LRFN5: variants seen among roughly 807,000 people sequenced by gnomAD.
LRFN5 encodes leucine rich repeat and fibronectin type III domain containing 5, also known as leucine-rich repeat and fibronectin type-III domain-containing protein 5.
LRFN5 carries 24 observed loss-of-function variants against 45.6 expected under a neutral mutation model. That is an observed-to-expected ratio of 0.53 (90% CI 0.38 to 0.74). The LOEUF (loss-of-function observed/expected upper bound fraction) is 0.74, where lower values mean the gene tolerates loss of function less well. LRFN5 is among the 30% of genes least tolerant of loss of function. The probability of loss-of-function intolerance (pLI) is 0.00; values close to 1 mark genes in which losing one functional copy is unlikely to be tolerated. For synonymous variants in LRFN5, 340 were observed against 313.8 expected (o/e 1.08, Z -0.88); for missense variants, 776 against 861.5 (o/e 0.90, Z 1.24).
chr14:41,661,090 A>G (rs1880629920), intron 1 of LRFN5, among the ~76,000 whole-genome samples: 1 of 151,426 alleles, frequency 6.6e-6, no homozygotes, highest in Non-Finnish European at 1.5e-5. Flanking sequence ...CATGTATAGT[A>G]CTAGTTCTTT....
chr14:41,749,400 TAACA>T (rs1425181311), intron 1 of LRFN5, among the ~76,000 whole-genome samples: 1 of 152,132 alleles, frequency 6.6e-6, no homozygotes, highest in Non-Finnish European at 1.5e-5. Flanking sequence ...GACATTGAAT[TAACA>T]AACATTCATT....
At position 41,891,818 on chromosome 14, in the gene LRFN5, A is replaced by G. The variant is rs758398470; in HGVS notation, c.1954A>G (p.Ser652Gly). ...GAAAAGAAAGACTGGCACAAAGCCA[A>G]GTACAGAACCACAGAATGAAGCCGT... ...KQKRKTGTKP[S>G]TEPQNEAVTN... Residue 652 changes from serine (S) to glycine (G), a missense_variant, in exon 4 of 6, where the codon AGT becomes GGT. Ser to Gly is a moderately conservative substitution (Grantham distance 56, BLOSUM62 0). Around this residue, in one of 2 missense-constraint regions of LRFN5, gnomAD observed 465 missense variants for 456.4 expected, o/e 1.02. Coordinates refer to ENST00000298119, the MANE Select transcript of LRFN5 (RefSeq NM_152447.5). 2.5e-6 allele frequency: 4 copies of G among 1,614,180 alleles called. No individual in the cohort carries two copies. The highest frequency in any genetic ancestry group is 1.1e-5 in the South Asian group (1 of 91,084).
intron 1 of LRFN5, among the ~76,000 whole-genome samples, chr14:41,618,570 A>G (rs1372756683): frequency 1.3e-5 from 2 of 152,200 alleles, no homozygotes; most frequent in Admixed American, 6.5e-5. Context: ...AATTATAGTC[A>G]GAAGATTGAC....
chr14:41,807,286 T>G (rs1039410722), intron 2 of LRFN5, among the ~76,000 whole-genome samples: 4 of 152,076 alleles, frequency 2.6e-5, no homozygotes, highest in Non-Finnish European at 5.9e-5. Flanking sequence ...TTTTTTTAGC[T>G]CAACATAATA....
chr14:41,670,302 T>TAC (rs1881140068), intron 1 of LRFN5, among the ~76,000 whole-genome samples: 2 of 18,308 alleles, frequency 1.1e-4, no homozygotes, highest in African/African-American at 2.7e-4. Flanking sequence ...TATATATATA[T>TAC]ATACACACAC....
intron 1 of LRFN5, among the ~76,000 whole-genome samples, chr14:41,613,946 A>G (rs1887846382): frequency 6.6e-6 from 1 of 152,034 alleles, no homozygotes; most frequent in Admixed American, 6.6e-5. Flanking sequence ...ATCTTCAAGT[A>G]GGTTTTCCAT....
chr14:41,794,992 T>G (rs1284747424), intron 2 of LRFN5, among the ~76,000 whole-genome samples: 1 of 147,660 alleles, frequency 6.8e-6, no homozygotes, highest in Non-Finnish European at 1.5e-5. Flanking sequence ...GTATGCATGC[T>G]GTATATTCTA....
chr14:41,821,791 T>C (rs1888122745), intron 2 of LRFN5, among the ~76,000 whole-genome samples: 1 of 147,610 alleles, frequency 6.8e-6, no homozygotes, highest in Admixed American at 6.8e-5. Context: ...TTTTTTTTAA[T>C]TGGGGTGGGG....
At chr14:41,712,258 T>C (rs1223242417) in intron 1 of LRFN5, among the ~76,000 whole-genome samples, 6 of 151,328 alleles carry the variant, frequency 4.0e-5, no homozygotes, top group African/African-American at 1.5e-4. Flanking sequence ...GATTTATAAT[T>C]TTCATTAAGA....
chr14:41,894,749 G>A (rs1428600799), intron 4 of LRFN5: 74 of 983,634 alleles, frequency 7.5e-5, no homozygotes, highest in Non-Finnish European at 8.8e-5. Flanking sequence ...GGTAAATATG[G>A]CCATGGAGTA....
intron 1 of LRFN5, among the ~76,000 whole-genome samples, chr14:41,618,003 G>T (rs1191653520): frequency 6.6e-6 from 1 of 151,978 alleles, no homozygotes; most frequent in African/African-American, 2.4e-5. Flanking sequence ...TGCTCTTAAT[G>T]AGTGCTTCAG....
chr14:41,825,596 C>T (rs1314298325), intron 2 of LRFN5, among the ~76,000 whole-genome samples: 1 of 152,196 alleles, frequency 6.6e-6, no homozygotes, highest in Non-Finnish European at 1.5e-5. Context: ...CTCGTTGGCC[C>T]TTTGTGGCCG....
At chr14:41,734,344 A>ATATATATATATATATATATTTT (rs1428416141) in intron 1 of LRFN5, among the ~76,000 whole-genome samples, 1 of 105,980 alleles carries the variant, frequency 9.4e-6, no homozygotes, top group Admixed American at 1.0e-4. Context: ...ATATATATAT[A>ATATATATATATATATATATTTT]TTTAAATTTG....
chr14:41,782,160 T>A (rs192402112), intron 2 of LRFN5, among the ~76,000 whole-genome samples: 46 of 152,082 alleles, frequency 3.0e-4, no homozygotes, highest in Admixed American at 1.8e-3. Flanking sequence ...CAGACTTTTT[T>A]AATGTTTAAC....
At chr14:41,897,989 T>C (rs909012961) in intron 4 of LRFN5, among the ~76,000 whole-genome samples, 7 of 152,112 alleles carry the variant, frequency 4.6e-5, no homozygotes, top group African/African-American at 1.7e-4. Flanking sequence ...CCGTGTTGGC[T>C]ATTGGCTCTA....
Position 41,888,008 on chromosome 14 carries a change from C to T in LRFN5, c.1383C>T (p.Tyr461=), listed in dbSNP as rs767692445. 4.4e-6 allele frequency: 7 copies of T among 1,583,116 alleles called. No individual in the cohort carries two copies. In the African/African-American group the frequency reaches 9.5e-5, roughly 21 times the overall value. The change falls in exon 3 of 6, where the codon TAC becomes TAT. Residue 461 remains tyrosine, a splice_region_variant and synonymous_variant. Coordinates refer to ENST00000298119, the MANE Select transcript of LRFN5 (RefSeq NM_152447.5). ...GTACTTATGATGACACCCTTGTTTACAGGTAAGAAAAATTGAGCAAATTTG... is the reference window on the plus strand; with the variant it reads ...GTACTTATGATGACACCCTTGTTTATAGGTAAGAAAAATTGAGCAAATTTG... The part of the protein sequence containing the change: ...YNGTYDDTLV[Y]RMIPPTSKTF...
chr14:41,682,992 A>G (rs1271047246), intron 1 of LRFN5, among the ~76,000 whole-genome samples: 1 of 152,134 alleles, frequency 6.6e-6, no homozygotes, highest in East Asian at 1.9e-4. Flanking sequence ...AAAACCAGAC[A>G]GACACAGCAG....
At chr14:41,665,838 C>A (rs1880871272) in intron 1 of LRFN5, among the ~76,000 whole-genome samples, 1 of 151,880 alleles carries the variant, frequency 6.6e-6, no homozygotes, top group Non-Finnish European at 1.5e-5. Context: ...TTAGCCATTT[C>A]TAATTATAAT....
chr14:41,717,253 T>C (rs936716360), intron 1 of LRFN5, among the ~76,000 whole-genome samples: 2 of 152,200 alleles, frequency 1.3e-5, no homozygotes, highest in Middle Eastern at 3.2e-3. Context: ...CATTTAATTG[T>C]CTTAGGCAAA....
Sources: gnomAD v4.1 joint callset for allele counts (sites outside exome capture counted in the v4.1 genomes callset) on GRCh38, gnomAD v4.1.1 for gene constraint, gnomAD v4.1.1 regional missense constraint, MANE v1.5 for transcripts, NCBI Gene and HGNC (gene_info 2026-07-23, HGNC 2026-07-21) for gene names.